Variants in PDHX observed in about 807,000 individuals in gnomAD.
PDHX encodes the protein pyruvate dehydrogenase protein X component, mitochondrial.
PDHX carries 33 observed loss-of-function variants against 55.3 expected under a neutral mutation model. The ratio of observed to expected loss-of-function variants is 0.60; its 90% CI spans 0.45 to 0.80. The LOEUF is 0.80. Among genes scored for constraint, PDHX ranks in the 30% least tolerant of loss-of-function variants. The probability of loss-of-function intolerance (pLI) is 0.00; values close to 1 mark genes in which losing one functional copy is unlikely to be tolerated. For synonymous variants in PDHX, 226 were observed against 219.4 expected, an observed-to-expected ratio of 1.03 and a Z score of -0.27; for missense variants, 622 against 619.9, an observed-to-expected ratio of 1.00 and a Z score of -0.04.
chr11:34,972,265 GCT>G (rs968760424), intron 7 of PDHX, among the ~76,000 whole-genome samples: 49 of 149,068 alleles, frequency 3.3e-4, no homozygotes, highest in African/African-American at 1.1e-3. Flanking sequence ...AGTTTACTTT[GCT>G]CTTTTATTTC....
intron 2 of PDHX, 52 bp from the exon 3 acceptor site, chr11:34,947,454 A>G: frequency 8.8e-7 from 1 of 1,136,584 alleles, no homozygotes; most frequent in Non-Finnish European, 1.3e-6. Context: ...ACATATATAC[A>G]TAGTAATATT....
intron 3 of PDHX, among the ~76,000 whole-genome samples, chr11:34,948,918 G>A (rs569831411): frequency 5.3e-5 from 8 of 152,298 alleles, no homozygotes; most frequent in Non-Finnish European, 7.4e-5. Context: ...TTGTTTGGCT[G>A]TGGAAATCTT....
chr11:34,987,219 A>C (rs1198309120), intron 9 of PDHX, among the ~76,000 whole-genome samples: 2 of 152,004 alleles, frequency 1.3e-5, no homozygotes, highest in African/African-American at 2.4e-5. Context: ...TTTCTCCCGC[A>C]AAGTTACCAG....
intron 7 of PDHX, among the ~76,000 whole-genome samples, chr11:34,974,323 ATGTT>A (rs1855321809): frequency 6.6e-6 from 1 of 152,192 alleles, no homozygotes; most frequent in Non-Finnish European, 1.5e-5. Flanking sequence ...GGGTTCATGC[ATGTT>A]GCAGAATGTA....
At chr11:34,942,772 T>TA (rs563108774) in intron 2 of PDHX, among the ~76,000 whole-genome samples, 110 of 152,308 alleles carry the variant, frequency 7.2e-4, no homozygotes, top group African/African-American at 2.6e-3. Flanking sequence ...GATTTATTGG[T>TA]AAAGTGTTCT....
chr11:34,971,278 T>G (rs1855252697), intron 7 of PDHX, among the ~76,000 whole-genome samples: 1 of 152,170 alleles, frequency 6.6e-6, no homozygotes, highest in African/African-American at 2.4e-5. Flanking sequence ...TTCTTTATTT[T>G]TGACCTATAT....
Position 34,919,180 on chromosome 11 carries a change from G to C in PDHX, c.160+2365G>C, listed in dbSNP as rs180820436. ...AGTGTTGGACTTTTTTCCTAATACC[G>C]AGCCAAAATATATCCGCTTCTGACT... is the stretch of plus-strand genomic sequence containing the variant. On this transcript the variant is annotated intron_variant, in intron 1 of 10. Transcript: ENST00000227868. Among the ~76,000 whole-genome samples, 8 of 152,224 alleles carry C rather than the reference G, an allele frequency of 5.3e-5. No homozygotes were observed. The East Asian group carries it at 1.5e-3, about 29-fold the overall frequency.
intron 2 of PDHX, among the ~76,000 whole-genome samples, chr11:34,945,754 G>T (rs1854606095): frequency 6.6e-6 from 1 of 151,852 alleles, no homozygotes; most frequent in South Asian, 2.1e-4. Context: ...TTTTATCAAG[G>T]TATAACTTGC....
intron 5 of PDHX, 88 bp downstream of exon 5, chr11:34,960,606 T>A: frequency 1.3e-6 from 1 of 767,680 alleles, no homozygotes; most frequent in South Asian, 1.6e-5. Flanking sequence ...TTATTCAGTC[T>A]TAAGATTTAA....
chr11:34,922,942 T>C (rs1028403431), intron 1 of PDHX, among the ~76,000 whole-genome samples: 2 of 151,822 alleles, frequency 1.3e-5, no homozygotes, highest in African/African-American at 2.4e-5. Flanking sequence ...GTAATTTCTT[T>C]TGGCTCTTCT....
chr11:34,963,605 A>G (rs1225613544), intron 5 of PDHX, among the ~76,000 whole-genome samples: 1 of 152,184 alleles, frequency 6.6e-6, no homozygotes, highest in Non-Finnish European at 1.5e-5. Context: ...CACGGTGAGG[A>G]CATGCTCCAT....
intron 1 of PDHX, among the ~76,000 whole-genome samples, chr11:34,918,795 G>A (rs143110816): frequency 7.2e-4 from 110 of 152,280 alleles, no homozygotes; most frequent in African/African-American, 2.5e-3. Flanking sequence ...CTGGAGGCTC[G>A]AGACCCCATT....
chr11:34,959,234 A>C (rs1854968325), intron 4 of PDHX, among the ~76,000 whole-genome samples: 1 of 152,132 alleles, frequency 6.6e-6, no homozygotes, highest in African/African-American at 2.4e-5. Flanking sequence ...TCAGCAAAAC[A>C]ACCCAATTAA....
chr11:34,958,295 T>A (rs1854947941), intron 4 of PDHX, among the ~76,000 whole-genome samples: 1 of 152,066 alleles, frequency 6.6e-6, no homozygotes, highest in Non-Finnish European at 1.5e-5. Context: ...GTGCTTTTTT[T>A]AGGGGGGGGC....
chr11:34,992,352 C>T lies in PDHX; in HGVS notation c.1220C>T (p.Pro407Leu), dbSNP rs1208860231. Residue 407 changes from proline to leucine, a missense_variant, in exon 10 of 11, where the codon CCT becomes CTT. Pro to Leu is a moderately conservative substitution (Grantham distance 98). Transcript: ENST00000227868. ...SKKARDGKLL[P>L]EEYQGGSFSI... ...AAAGCAAGAGATGGAAAATTGTTGCCTGAAGAATACCAAGGAGGATCTTTT... is the reference window on the plus strand; with the variant it reads ...AAAGCAAGAGATGGAAAATTGTTGCTTGAAGAATACCAAGGAGGATCTTTT... The T allele has an allele frequency of 3.7e-6, 6 of 1,600,500 alleles. No individual in the cohort carries two copies. Among genetic ancestry groups the T allele is most frequent in the Non-Finnish European group, 5.1e-6 (6 of 1,168,292 alleles).
At chr11:34,958,875 T>C (rs2133974130) in intron 4 of PDHX, among the ~76,000 whole-genome samples, 1 of 152,132 alleles carries the variant, frequency 6.6e-6, no homozygotes, top group Admixed American at 6.5e-5. Flanking sequence ...GGGCACACAG[T>C]GAATGAAAAA....
chr11:34,959,374 C>T (rs932722055), intron 4 of PDHX, among the ~76,000 whole-genome samples: 1 of 148,402 alleles, frequency 6.7e-6, no homozygotes, highest in African/African-American at 2.5e-5. Flanking sequence ...TGAGACACCC[C>T]TTCATACCCT....
intron 2 of PDHX, among the ~76,000 whole-genome samples, chr11:34,932,758 C>A (rs1453398741): frequency 1.3e-5 from 2 of 152,072 alleles, no homozygotes; most frequent in Non-Finnish European, 2.9e-5. Flanking sequence ...AGTGTTACAC[C>A]AGCAAAAATA....
At chr11:34,940,085 A>G (rs1237624887) in intron 2 of PDHX, among the ~76,000 whole-genome samples, 1 of 152,206 alleles carries the variant, frequency 6.6e-6, no homozygotes, top group Non-Finnish European at 1.5e-5. Context: ...TTTGTAAGAG[A>G]ATATTTGAGG....
Sources: gnomAD v4.1 joint callset for allele counts (sites outside exome capture counted in the v4.1 genomes callset) on GRCh38, gnomAD v4.1.1 for gene constraint, MANE v1.5 for transcripts, NCBI Gene and HGNC (gene_info 2026-07-23, HGNC 2026-07-21) for gene names.